The following KRT8 variants were observed in gnomAD, a reference collection of about 807,000 sequenced individuals.
The protein encoded by KRT8 is keratin 8.
Under a neutral mutation model 43.0 loss-of-function variants are expected in KRT8, and 24 were observed. The observed-to-expected ratio is 0.56, with a 90% confidence interval of 0.40 to 0.78. KRT8 has a LOEUF of 0.78. Among genes scored for constraint, KRT8 ranks in the 30% least tolerant of loss-of-function variants. The pLI is 0.00. For missense variants in KRT8, 492 were observed against 638.4 expected, an observed-to-expected ratio of 0.77 and a Z score of 2.47; for synonymous variants, 214 against 261.2, an observed-to-expected ratio of 0.82 and a Z score of 1.74.
chr12:52,911,664 G>C (rs747556009), upstream of KRT8, among the ~76,000 whole-genome samples: 1 of 152,170 alleles, frequency 6.6e-6, no homozygotes, highest in East Asian at 1.9e-4. Flanking sequence ...CATACCCAAG[G>C]TCATGCAGCA....
intron 2 of KRT8, among the ~76,000 whole-genome samples, chr12:52,918,213 A>AGAAGAAGAG (rs1941809991): frequency 7.0e-6 from 1 of 142,676 alleles, no homozygotes; most frequent in Non-Finnish European, 1.6e-5. Context: ...AACAAGAAGA[A>AGAAGAAGAG]GAAGAAGAAG....
rs994772369 is a variant in KRT8, at chr12:52,937,475, C to A, written c.-47+11981G>T. ...GGCTGAGGCGGGAGTATTGCTTGAG[C>A]TCAGGAGTTTGAGACCAGCCTGGGC... On this transcript the variant is annotated intron_variant, in intron 2 of 6. Transcript: ENST00000546826. Among the ~76,000 whole-genome samples the A allele has an allele frequency of 2.6e-5, 4 of 151,598 alleles. No individual in the cohort carries two copies. In the East Asian group the frequency reaches 7.8e-4, roughly 30 times the overall value.
At chr12:52,901,433 G>A (rs1941367528) in intron 2 of KRT8, 1 of 619,020 alleles carries the variant, frequency 1.6e-6, no homozygotes, top group African/African-American at 1.8e-5. Flanking sequence ...CCAAATCCAT[G>A]AATACACATC....
At chr12:52,924,256 G>A (rs995072615) in intron 2 of KRT8, among the ~76,000 whole-genome samples, 1 of 152,050 alleles carries the variant, frequency 6.6e-6, no homozygotes, top group African/African-American at 2.4e-5. Context: ...AGACCATCCT[G>A]GCTAACACGG....
At chr12:52,902,231 G>C (rs749754831) in intron 1 of KRT8, 159 bp from the exon 2 acceptor site, 4 of 628,448 alleles carry the variant, frequency 6.4e-6, no homozygotes, top group Non-Finnish European at 1.1e-5. Context: ...CCTATGACCA[G>C]GGGGAGAAAG....
At position 52,916,540 on chromosome 12, in the gene KRT8, G is replaced by T. The variant is rs551705433; in HGVS notation, c.-46-11513C>A. Among the ~76,000 whole-genome samples the T allele has an allele frequency of 3.9e-5, 6 of 152,344 alleles. No individual in the cohort carries two copies. In the South Asian group the frequency reaches 1.0e-3, roughly 26 times the overall value. ...ACACAGCTCCTTGGAGACAGAGCAGGTTCCTCCAGCGTCTGTGTCTGGTTC... is the reference window on the plus strand; with the variant it reads ...ACACAGCTCCTTGGAGACAGAGCAGTTTCCTCCAGCGTCTGTGTCTGGTTC... On this transcript the variant is annotated intron_variant, in intron 2 of 6. Coordinates refer to the KRT8 transcript ENST00000546826.
chr12:52,914,464 G>T (rs1337283802), intron 2 of KRT8, among the ~76,000 whole-genome samples: 1 of 152,134 alleles, frequency 6.6e-6, no homozygotes. Flanking sequence ...TCGAAGCCAG[G>T]AGGTGGAGGT....
At chr12:52,926,330 CTGCCCTCCCCACCCCACCCCCAGGACTG>C in intron 2 of KRT8, 2 of 746,760 alleles carry the variant, frequency 2.7e-6, no homozygotes, top group Non-Finnish European at 2.3e-6. Flanking sequence ...CTGGCACTAG[CTGCCCTCCCCACCCCACCCCCAGGACTG>C]TGCCCTCCTC....
At chr12:52,901,721 G>A (rs528031711) in intron 2 of KRT8, 143 bp downstream of exon 2, 98 of 697,044 alleles carry the variant, frequency 1.4e-4, no homozygotes, top group South Asian at 9.4e-4. Flanking sequence ...AGACTGTTCC[G>A]AGCAAACCTC....
intron 2 of KRT8, among the ~76,000 whole-genome samples, chr12:52,917,474 G>A (rs371406304): frequency 6.6e-5 from 10 of 151,976 alleles, no homozygotes; most frequent in East Asian, 3.9e-4. Flanking sequence ...CTGGGAGGCC[G>A]AGGGGGGCGG....
At chr12:52,904,661 G>A in exon 1 of KRT8, 1 of 1,612,506 alleles carries the variant, frequency 6.2e-7, no homozygotes, top group Non-Finnish European at 8.5e-7. Context: ...CCCTCACCTT[G>A]TCTATGAAGG....
At chr12:52,938,147 TA>T (rs1565732834) in intron 2 of KRT8, among the ~76,000 whole-genome samples, 10 of 31,426 alleles carry the variant, frequency 3.2e-4, no homozygotes, top group African/African-American at 1.7e-3. Context: ...TATATATATA[TA>T]TATATATATA....
At position 52,917,586 on chromosome 12, in the gene KRT8, G is replaced by A. The variant is rs183594471; in HGVS notation, c.-46-12559C>T. Among the ~76,000 whole-genome samples, 453 of 151,768 alleles carry A rather than the reference G, an allele frequency of 3.0e-3. 14 individuals are homozygous for A. The highest frequency in any genetic ancestry group is 0.028 in the Admixed American group (426 of 15,200). On this transcript the variant is annotated intron_variant, in intron 2 of 6. Coordinates refer to the KRT8 transcript ENST00000546826. ...TAGCTGGGCATGGTGGCACATGCCT[G>A]TAATCCCAGCTACTTGGGAGGCTGA...
At chr12:52,949,589 A>G (rs955495297) in intron 1 of KRT8, 2 of 1,613,206 alleles carry the variant, frequency 1.2e-6, no homozygotes, top group African/African-American at 2.7e-5. Context: ...CTGAGGGCTC[A>G]GGTAAGGGGT....
chr12:52,904,429 A>C (rs1054596682), intron 1 of KRT8, among the ~76,000 whole-genome samples: 1 of 152,150 alleles, frequency 6.6e-6, no homozygotes, highest in Non-Finnish European at 1.5e-5. Flanking sequence ...TTAAAAGGGA[A>C]GAAGGAAGCC....
chr12:52,915,937 T>A (rs909646537), intron 2 of KRT8, among the ~76,000 whole-genome samples: 1 of 152,146 alleles, frequency 6.6e-6, no homozygotes, highest in South Asian at 2.1e-4. Context: ...TGATTTCAGA[T>A]AAATAAATGA....
Position 52,918,156 on chromosome 12 carries a change from GGAA to G in KRT8, c.-46-13132_-46-13130del, listed in dbSNP as rs751825750. Among the ~76,000 whole-genome samples, 291 of 68,078 alleles carry G rather than the reference GGAA, an allele frequency of 4.3e-3. 1 individual carries two copies. The highest frequency in any genetic ancestry group is 8.4e-3 in the Admixed American group (45 of 5,354). The allele number at this position is 68,078 out of a possible 152,430, so 44.7% of individuals were successfully genotyped here. On this transcript the variant is annotated intron_variant, in intron 2 of 6. Transcript: ENST00000546826. ...GAGGGGGAGAGGGAGAGGGAGAAGG[GGAA>G]GAAGAAGAAGAAGAGGAAGAGGAAG...
intron 2 of KRT8, among the ~76,000 whole-genome samples, chr12:52,916,298 G>A (rs139233963): frequency 1.7e-3 from 263 of 152,318 alleles, no homozygotes; most frequent in African/African-American, 6.1e-3. Context: ...AGCAGGTCTG[G>A]AGGCCTGCAG....
chr12:52,943,378 T>G (rs899549128), intron 2 of KRT8, among the ~76,000 whole-genome samples: 3 of 151,744 alleles, frequency 2.0e-5, no homozygotes, highest in Non-Finnish European at 4.4e-5. Context: ...CCCCCTTCCT[T>G]GAACCTCATT....
Sources: gnomAD v4.1 joint callset for allele counts (sites outside exome capture counted in the v4.1 genomes callset) on GRCh38, gnomAD v4.1.1 for gene constraint, MANE v1.5 for transcripts, NCBI Gene and HGNC (gene_info 2026-07-23, HGNC 2026-07-21) for gene names.